IL1RAP: variants seen among roughly 807,000 people sequenced by gnomAD.
IL1RAP encodes the protein interleukin 1 receptor accessory protein.
A neutral mutation model predicts 60.7 loss-of-function variants in IL1RAP; 35 were observed. The observed-to-expected ratio is 0.58, with a 90% confidence interval of 0.44 to 0.76. The LOEUF (loss-of-function observed/expected upper bound fraction) is 0.76, where lower values mean the gene tolerates loss of function less well. IL1RAP is among the 30% of genes least tolerant of loss of function. The probability of loss-of-function intolerance (pLI) is 0.00; values close to 1 mark genes in which losing one functional copy is unlikely to be tolerated. For missense variants in IL1RAP, 572 were observed against 693.9 expected, an observed-to-expected ratio of 0.82 and a Z score of 1.97; for synonymous variants, 268 against 250.9, an observed-to-expected ratio of 1.07 and a Z score of -0.64.
rs569565874 is a variant in IL1RAP at position 190,615,359 on chromosome 3, T to G, written c.538-4916T>G. On this transcript the variant is annotated intron_variant, in intron 5 of 11. Transcript: ENST00000447382. ...CATATAGAAGTAAAGACACAGGTAA[T>G]GCAGTCCTTTTGTTGTTGCTTTTGT... The G allele has an allele frequency of 1.4e-4, 169 of 1,175,758 alleles. No homozygotes were observed. In the African/African-American group the frequency reaches 2.9e-3, roughly 21 times the overall value. 72.8% of individuals were successfully genotyped at this position (1,175,758 alleles called of 1,614,324 possible). A position where few individuals can be genotyped will look rare whatever the true frequency, so the allele number is the denominator to read the frequency against.
At chr3:190,528,750 G>A (rs1312432006) in intron 1 of IL1RAP, among the ~76,000 whole-genome samples, 2 of 152,192 alleles carry the variant, frequency 1.3e-5, no homozygotes, top group Admixed American at 6.5e-5. Flanking sequence ...AAACATTTTT[G>A]TATTTCAGAG....
chr3:190,576,969 C>G (rs972228715), intron 3 of IL1RAP, among the ~76,000 whole-genome samples: 4 of 151,874 alleles, frequency 2.6e-5, no homozygotes, highest in Non-Finnish European at 4.4e-5. Flanking sequence ...GGCGCGGTGG[C>G]GGGCGCCTGT....
intron 9 of IL1RAP, among the ~76,000 whole-genome samples, chr3:190,641,654 C>T (rs1424354198): frequency 6.6e-6 from 1 of 152,062 alleles, no homozygotes; most frequent in Non-Finnish European, 1.5e-5. Context: ...ATTGATCTCT[C>T]GGTCATTAAG....
intron 3 of IL1RAP, among the ~76,000 whole-genome samples, chr3:190,577,057 C>T (rs1727539016): frequency 6.8e-6 from 1 of 147,976 alleles, no homozygotes; most frequent in African/African-American, 2.5e-5. Flanking sequence ...GCCGAGATCG[C>T]GCCACCGCAC....
chr3:190,594,324 G>A lies in IL1RAP; in HGVS notation c.65-9804G>A, dbSNP rs574826761. ...ATAAAATGTAGAGGTGGAAAGTTCA[G>A]GGCTGGTAAGGCAACTCCGCAAGTT... On this transcript the variant is annotated intron_variant, in intron 3 of 11. Transcript: ENST00000447382. 1.8e-4 allele frequency among the ~76,000 whole-genome samples: 27 copies of A among 152,314 alleles called. No individual in the cohort carries two copies. The South Asian group carries it at 3.5e-3, about 20-fold the overall frequency.
At chr3:190,582,344 A>G (rs184173746) in intron 3 of IL1RAP, among the ~76,000 whole-genome samples, 6 of 137,944 alleles carry the variant, frequency 4.3e-5, no homozygotes, top group African/African-American at 1.4e-4. Context: ...TTTGAGATGG[A>G]GTTTCACTGT....
chr3:190,575,151 C>T (rs1727325903), intron 3 of IL1RAP, among the ~76,000 whole-genome samples: 1 of 152,092 alleles, frequency 6.6e-6, no homozygotes, highest in Non-Finnish European at 1.5e-5. Context: ...GAGGTTGGTC[C>T]TTCATGATTA....
chr3:190,515,095 G>A (rs891212630), intron 1 of IL1RAP, among the ~76,000 whole-genome samples: 6 of 152,212 alleles, frequency 3.9e-5, no homozygotes, highest in African/African-American at 1.2e-4. Context: ...CTGCTCTGCT[G>A]TACAGATCCC....
exon 12 of IL1RAP, chr3:190,656,834 AAGGTC>A (rs1734634854): frequency 4.6e-6 from 2 of 431,614 alleles, no homozygotes; most frequent in Non-Finnish European, 8.2e-6. Context: ...TGGGCCCTAG[AAGGTC>A]AGTATGTGAA....
chr3:190,531,029 G>A (rs766933833), intron 1 of IL1RAP, among the ~76,000 whole-genome samples: 3 of 152,062 alleles, frequency 2.0e-5, no homozygotes, highest in Non-Finnish European at 4.4e-5. Flanking sequence ...TTTCCATTTC[G>A]CTCTATGCAC....
intron 3 of IL1RAP, among the ~76,000 whole-genome samples, chr3:190,592,044 G>T (rs1034028915): frequency 6.6e-6 from 1 of 152,166 alleles, no homozygotes; most frequent in Non-Finnish European, 1.5e-5. Context: ...TTTTGAGATG[G>T]AATCTCGCTC....
chr3:190,553,936 C>T (rs1459505299), intron 1 of IL1RAP, among the ~76,000 whole-genome samples: 1 of 150,982 alleles, frequency 6.6e-6, no homozygotes, highest in Non-Finnish European at 1.5e-5. Flanking sequence ...TGGCGGGCGC[C>T]TGTAGTCCCA....
intron 5 of IL1RAP, among the ~76,000 whole-genome samples, chr3:190,613,967 C>T (rs2108776599): frequency 6.6e-6 from 1 of 152,138 alleles, no homozygotes; most frequent in East Asian, 2.0e-4. Flanking sequence ...AGACTTCTGC[C>T]ATCTTGGAAA....
chr3:190,592,532 A>G (rs1729031502), intron 3 of IL1RAP, among the ~76,000 whole-genome samples: 1 of 152,236 alleles, frequency 6.6e-6, no homozygotes, highest in Non-Finnish European at 1.5e-5. Flanking sequence ...TCGTTAGACC[A>G]GGAAGCTTTA....
intron 3 of IL1RAP, among the ~76,000 whole-genome samples, chr3:190,578,686 C>T (rs769471566): frequency 2.6e-5 from 4 of 152,128 alleles, no homozygotes; most frequent in Non-Finnish European, 5.9e-5. Context: ...TAAAGACATA[C>T]CCAAGACTGG....
intron 1 of IL1RAP, chr3:190,554,740 T>C (rs185093030): frequency 1.3e-5 from 2 of 152,056 alleles, no homozygotes; most frequent in East Asian, 1.9e-4. Flanking sequence ...TGTGTGTGTG[T>C]GTGTGTGTGT....
chr3:190,599,425 T>C (rs1436180647), intron 3 of IL1RAP, among the ~76,000 whole-genome samples: 1 of 152,176 alleles, frequency 6.6e-6, no homozygotes, highest in South Asian at 2.1e-4. Context: ...CATTATCTTC[T>C]AGTTTCCAGT....
At chr3:190,561,561 C>T (rs1256471693) in intron 2 of IL1RAP, among the ~76,000 whole-genome samples, 3 of 152,096 alleles carry the variant, frequency 2.0e-5, no homozygotes, top group Admixed American at 6.5e-5. Flanking sequence ...TAAATGTTGC[C>T]TTAGGAATTC....
chr3:190,559,141 G>C (rs1266124112), intron 2 of IL1RAP, among the ~76,000 whole-genome samples: 1 of 152,094 alleles, frequency 6.6e-6, no homozygotes, highest in African/African-American at 2.4e-5. Context: ...TGAGATGTTA[G>C]TCCATTTTAT....
Sources: gnomAD v4.1 joint callset for allele counts (sites outside exome capture counted in the v4.1 genomes callset) on GRCh38, gnomAD v4.1.1 for gene constraint, MANE v1.5 for transcripts, NCBI Gene and HGNC (gene_info 2026-07-23, HGNC 2026-07-21) for gene names.